WASL: variants seen among roughly 807,000 people sequenced by gnomAD.
WASL encodes actin nucleation-promoting factor WASL.
WASL carries 20 observed loss-of-function variants against 55.5 expected under a neutral mutation model. That is an observed-to-expected ratio of 0.36 (90% CI 0.25 to 0.52). WASL has a LOEUF of 0.52. WASL is among the 20% of genes least tolerant of loss of function. WASL has a pLI of 0.92. For missense variants in WASL, 504 were observed against 622.5 expected (o/e 0.81, Z 2.03); for synonymous variants, 249 against 217.6 (o/e 1.14, Z -1.27).
intron 1 of WASL, among the ~76,000 whole-genome samples, chr7:123,709,870 G>T (rs4588795): frequency 1.3e-5 from 2 of 151,894 alleles, no homozygotes; most frequent in African/African-American, 2.4e-5. Flanking sequence ...AAGTGGCCAC[G>T]CAGTTTTAAT....
Position 123,689,117 on chromosome 7 carries a change from G to T in WASL, c.1381C>A (p.Pro461Thr), listed in dbSNP as rs1234263969. 1 of 1,613,918 alleles carries T rather than the reference G, an allele frequency of 6.2e-7. No homozygotes were observed. ...CCCACAATTCCTGAAGTGGGTGCAG[G>T]TGTTGGTGGTGTAGACTCTTGGCCA... ...ADGQESTPPT[P>T]APTSGIVGAL... Residue 461 changes from proline to threonine, a missense_variant, in exon 10 of 11, where the codon CCT becomes ACT. Pro to Thr is a conservative substitution (Grantham distance 38). This residue lies in a region of WASL where 53 missense variants were observed against 69.1 expected (regional missense o/e 0.77). Transcript: ENST00000223023.
At chr7:123,727,353 T>TCACACACACACACACACACACA (rs150375537) in intron 1 of WASL, among the ~76,000 whole-genome samples, 49 of 147,818 alleles carry the variant, frequency 3.3e-4, no homozygotes, top group South Asian at 6.5e-4. Flanking sequence ...AAAATATGTG[T>TCACACACACACACACACACACA]CACACACACA....
intron 10 of WASL, among the ~76,000 whole-genome samples, chr7:123,687,640 A>C (rs1318581180): frequency 1.3e-5 from 2 of 151,822 alleles, no homozygotes; most frequent in Non-Finnish European, 2.9e-5. Flanking sequence ...TTTCTGTTAG[A>C]CTTTTGTCCT....
intron 1 of WASL, among the ~76,000 whole-genome samples, chr7:123,737,260 GA>G (rs1804249667): frequency 6.6e-6 from 1 of 152,158 alleles, no homozygotes; most frequent in Non-Finnish European, 1.5e-5. Context: ...CCACGGGTTG[GA>G]AAAGCTTGGT....
intron 10 of WASL, among the ~76,000 whole-genome samples, chr7:123,685,315 GTC>G (rs901770012): frequency 6.6e-6 from 1 of 151,646 alleles, no homozygotes; most frequent in African/African-American, 2.4e-5. Context: ...TCCAGTTATT[GTC>G]TCTCTCTCTC....
chr7:123,697,648 CAT>C (rs1803513750), intron 5 of WASL, among the ~76,000 whole-genome samples: 1 of 152,200 alleles, frequency 6.6e-6, no homozygotes, highest in Non-Finnish European at 1.5e-5. Flanking sequence ...ACTTCCAAAA[CAT>C]ATGAAATACT....
intron 1 of WASL, among the ~76,000 whole-genome samples, chr7:123,743,210 G>A (rs771974079): frequency 5.3e-5 from 8 of 151,960 alleles, no homozygotes; most frequent in African/African-American, 7.3e-5. Flanking sequence ...AGTGGCACAC[G>A]CCTGTAGTTC....
In WASL at chr7:123,683,011, G is replaced by C. The variant is rs1413029873; in HGVS notation, c.*1508C>G. On this transcript the variant is annotated 3_prime_UTR_variant, in exon 11 of 11. Coordinates refer to ENST00000223023, the MANE Select transcript of WASL (RefSeq NM_003941.4). ...TAGATGCATGATCACTAGAGATTAT[G>C]TAATAAATGGTTAAAATTCAAGCCA... is the stretch of plus-strand genomic sequence containing the variant. The C allele has an allele frequency of 6.6e-6, 1 of 152,076 alleles. No homozygotes were observed. Among genetic ancestry groups the C allele is most frequent in the Non-Finnish European group, 1.5e-5 (1 of 67,994 alleles). The allele number at this position is 152,076 out of a possible 1,614,324, so 9.4% of individuals were successfully genotyped here. A position where few individuals can be genotyped will look rare whatever the true frequency, so the allele number is the denominator to read the frequency against.
intron 1 of WASL, among the ~76,000 whole-genome samples, chr7:123,714,116 T>C (rs1358328190): frequency 6.6e-6 from 1 of 152,306 alleles, no homozygotes; most frequent in East Asian, 1.9e-4. Context: ...AGTGATCTCA[T>C]GAAACAATGT....
At chr7:123,718,567 A>T (rs757671978) in intron 1 of WASL, among the ~76,000 whole-genome samples, 4 of 151,322 alleles carry the variant, frequency 2.6e-5, no homozygotes, top group Non-Finnish European at 1.5e-5. Context: ...TTCATATAAC[A>T]TTTTTTTTTA....
Position 123,748,757 on chromosome 7 carries a change from G to A in WASL, c.-23C>T. 6.5e-6 allele frequency: 10 copies of A among 1,531,078 alleles called. No individual in the cohort carries two copies. Among genetic ancestry groups the A allele is most frequent in the Admixed American group, 2.0e-5 (1 of 51,232 alleles). The allele number at this position is 1,531,078 out of a possible 1,614,324, so 94.8% of individuals were successfully genotyped here. On this transcript the variant is annotated 5_prime_UTR_variant, in exon 1 of 11. Coordinates refer to ENST00000223023, the MANE Select transcript of WASL (RefSeq NM_003941.4). ...CATGGTTTCGCCGGCGGGGTTGGGA[G>A]TCCAGGGCCGTCTCCTCCGGCGAGT...
At position 123,696,596 on chromosome 7, in the gene WASL, T is replaced by C. The variant is rs528281242; in HGVS notation, c.612A>G (p.Gly204=). 12 of 1,587,238 alleles carry C rather than the reference T, an allele frequency of 7.6e-6. No individual in the cohort carries two copies. The highest frequency in any genetic ancestry group is 1.7e-4 in the Middle Eastern group (1 of 5,958). Reference sequence around the variant, plus strand: ...TGTCTTACTGGAAATTGCTTGGTGTTCCTATATCTGCCTTGGTTAATCTCT... The same window carrying C: ...TGTCTTACTGGAAATTGCTTGGTGTCCCTATATCTGCCTTGGTTAATCTCT... ...KKKRLTKADI[G]TPSNFQHIGH... is the part of the protein sequence containing the mutation. Residue 204 remains glycine, a synonymous_variant, in exon 6 of 11, where the codon GGA becomes GGG. Coordinates refer to ENST00000223023, the MANE Select transcript of WASL (RefSeq NM_003941.4).
At chr7:123,694,595 C>G in intron 8 of WASL, 120 bp downstream of exon 8, 1 of 996,490 alleles carries the variant, frequency 1.0e-6, no homozygotes, top group Non-Finnish European at 1.5e-6. Context: ...CATTAGTTGT[C>G]CATAGACTTC....
rs150375537 is a variant in WASL, at chr7:123,727,353, T to TCACACACACACACACACA, written c.118-18148_118-18131dup. The stretch of plus-strand genomic sequence containing the variant: ...TGCCCAAAAGAAATAAAAATATGTG[T>TCACACACACACACACACA]CACACACACACACACACACACACAC... On this transcript the variant is annotated intron_variant, in intron 1 of 10. Coordinates refer to ENST00000223023, the MANE Select transcript of WASL (RefSeq NM_003941.4). Among the ~76,000 whole-genome samples, 780 of 147,778 alleles carry TCACACACACACACACACA rather than the reference T, an allele frequency of 5.3e-3. 4 individuals are homozygous for TCACACACACACACACACA. Among genetic ancestry groups the TCACACACACACACACACA allele is most frequent in the East Asian group, 0.019 (94 of 4,966 alleles).
chr7:123,683,398 G>T lies in WASL; in HGVS notation c.*1121C>A, dbSNP rs916495896. On this transcript the variant is annotated 3_prime_UTR_variant, in exon 11 of 11. Transcript: ENST00000223023. ...TTAAAAAAAAAAAATCTATCATTCA[G>T]TTATCTGTTCCAAGAACTCTGACAT... 1 of 151,664 alleles carries T rather than the reference G, an allele frequency of 6.6e-6. No homozygotes were observed. The highest frequency in any genetic ancestry group is 2.4e-5 in the African/African-American group (1 of 41,276). 9.4% of individuals were successfully genotyped at this position (151,664 alleles called of 1,614,324 possible).
intron 8 of WASL, among the ~76,000 whole-genome samples, 178 bp downstream of exon 8, chr7:123,694,537 T>A (rs1584857096): frequency 6.6e-6 from 1 of 152,136 alleles, no homozygotes. Flanking sequence ...CCTTGTAAAG[T>A]TTTTTTAGTT....
Position 123,696,687 on chromosome 7 carries a change from A to T in WASL, c.521T>A (p.Phe174Tyr). The T allele has an allele frequency of 6.9e-6, 11 of 1,602,432 alleles. No individual in the cohort carries two copies. Among genetic ancestry groups the T allele is most frequent in the Non-Finnish European group, 9.4e-6 (11 of 1,174,220 alleles). ...IKNPEITTNR[F>Y]YGPQVNNISH... ...GATGTTGTTGACTTGTGGACCATAA[A>T]ATCTATTTGTTGTGATTTCTGGATT... Residue 174 changes from phenylalanine (F) to tyrosine (Y), a missense_variant, in exon 6 of 11, where the codon TTT becomes TAT. Physicochemically the swap from Phe to Tyr is conservative, Grantham distance 22. Coordinates refer to ENST00000223023, the MANE Select transcript of WASL (RefSeq NM_003941.4).
At chr7:123,728,172 G>T (rs973623323) in intron 1 of WASL, among the ~76,000 whole-genome samples, 1 of 152,060 alleles carries the variant, frequency 6.6e-6, no homozygotes, top group Admixed American at 6.5e-5. Flanking sequence ...GCATTTTACA[G>T]AATGAAATAC....
chr7:123,694,037 G>C (rs911176539), intron 8 of WASL, among the ~76,000 whole-genome samples: 1 of 152,184 alleles, frequency 6.6e-6, no homozygotes, highest in African/African-American at 2.4e-5. Context: ...TTCTTCAGAA[G>C]AATGTTTTAA....
Sources: gnomAD v4.1 joint callset for allele counts (sites outside exome capture counted in the v4.1 genomes callset) on GRCh38, gnomAD v4.1.1 for gene constraint, gnomAD v4.1.1 regional missense constraint, MANE v1.5 for transcripts, NCBI Gene and HGNC (gene_info 2026-07-23, HGNC 2026-07-21) for gene names.